LARS2: variants seen among roughly 807,000 people sequenced by gnomAD.
The protein encoded by LARS2 is leucyl-tRNA synthetase 2, mitochondrial, also known as leucine--tRNA ligase, mitochondrial.
In LARS2, 81 loss-of-function variants were observed where a neutral mutation model predicts 116.6. That is an observed-to-expected ratio of 0.69 (90% CI 0.58 to 0.84). The LOEUF is 0.84. Ranked by LOEUF, LARS2 falls within the 40% of genes least tolerant of loss-of-function variation. The probability of loss-of-function intolerance (pLI) is 0.00; values close to 1 mark genes in which losing one functional copy is unlikely to be tolerated. For missense variants in LARS2, 968 were observed against 1,114.5 expected, an observed-to-expected ratio of 0.87 and a Z score of 1.87; for synonymous variants, 396 against 407.2, an observed-to-expected ratio of 0.97 and a Z score of 0.33.
chr3:45,503,847 A>G (rs866871707), intron 15 of LARS2, among the ~76,000 whole-genome samples: 3 of 152,062 alleles, frequency 2.0e-5, no homozygotes, highest in Admixed American at 2.0e-4. Flanking sequence ...TTTTGTAACT[A>G]CACAGAAAGT....
chr3:45,514,058 G>T (rs933759100), intron 16 of LARS2, among the ~76,000 whole-genome samples: 2 of 151,898 alleles, frequency 1.3e-5, no homozygotes, highest in African/African-American at 4.8e-5. Context: ...ATACAAAAAT[G>T]AGCCAGGCGT....
intron 6 of LARS2, among the ~76,000 whole-genome samples, chr3:45,433,062 AT>A (rs892879765): frequency 1.3e-5 from 2 of 152,052 alleles, no homozygotes; most frequent in African/African-American, 4.8e-5. Flanking sequence ...AACTTACTTC[AT>A]CTTACATTAA....
At chr3:45,392,509 G>A (rs1697972617) in intron 2 of LARS2, among the ~76,000 whole-genome samples, 1 of 151,888 alleles carries the variant, frequency 6.6e-6, no homozygotes, top group Non-Finnish European at 1.5e-5. Flanking sequence ...TGGCCAGATT[G>A]GTCTCGAACT....
At chr3:45,488,937 C>A in intron 12 of LARS2, 125 bp downstream of exon 12, 1 of 708,270 alleles carries the variant, frequency 1.4e-6, no homozygotes. Flanking sequence ...CTTGTGGCCT[C>A]ATATCTATCA....
chr3:45,483,722 A>G (rs902595698), intron 10 of LARS2, among the ~76,000 whole-genome samples: 3 of 152,210 alleles, frequency 2.0e-5, no homozygotes, highest in Non-Finnish European at 4.4e-5. Context: ...GTCTGCACTC[A>G]GCCAGCTGCA....
At chr3:45,405,698 T>C (rs1698222806) in intron 4 of LARS2, among the ~76,000 whole-genome samples, 1 of 152,114 alleles carries the variant, frequency 6.6e-6, no homozygotes, top group Admixed American at 6.5e-5. Context: ...TCAGGAAAAA[T>C]TAGACCATGC....
At chr3:45,422,958 C>T (rs1043775256) in intron 6 of LARS2, among the ~76,000 whole-genome samples, 2 of 152,132 alleles carry the variant, frequency 1.3e-5, no homozygotes, top group African/African-American at 2.4e-5. Context: ...TTGCATAACT[C>T]GTATTTATTT....
At chr3:45,407,572 G>C (rs1698251808) in intron 4 of LARS2, among the ~76,000 whole-genome samples, 1 of 151,986 alleles carries the variant, frequency 6.6e-6, no homozygotes, top group Non-Finnish European at 1.5e-5. Flanking sequence ...CTGTAATAAT[G>C]GTGAGTTATT....
At chr3:45,461,820 T>C (rs971302730) in intron 8 of LARS2, among the ~76,000 whole-genome samples, 3 of 152,168 alleles carry the variant, frequency 2.0e-5, no homozygotes, top group Non-Finnish European at 4.4e-5. Context: ...GTGGCTTGAA[T>C]AGCACACAGG....
chr3:45,525,075 T>C (rs899426883), intron 20 of LARS2, among the ~76,000 whole-genome samples: 12 of 152,212 alleles, frequency 7.9e-5, no homozygotes, highest in Admixed American at 7.9e-4. Context: ...GAGGGACTCA[T>C]TGGGAATTGG....
chr3:45,484,224 G>A (rs981760746), intron 10 of LARS2, among the ~76,000 whole-genome samples: 3 of 151,938 alleles, frequency 2.0e-5, no homozygotes, highest in African/African-American at 7.3e-5. Context: ...GGTTTGCAAA[G>A]TAGATAATTA....
chr3:45,544,210 A>ATGAT (rs1700841365), intron 21 of LARS2, among the ~76,000 whole-genome samples: 1 of 152,252 alleles, frequency 6.6e-6, no homozygotes, highest in African/African-American at 2.4e-5. Context: ...CTCTGCCCAC[A>ATGAT]CCAGGGATAC....
intron 8 of LARS2, among the ~76,000 whole-genome samples, chr3:45,473,696 T>C (rs546821980): frequency 6.6e-6 from 1 of 151,690 alleles, no homozygotes; most frequent in East Asian, 1.9e-4. Flanking sequence ...TTGTTGTTTT[T>C]TTTTTTTTTT....
chr3:45,496,290 C>T lies in LARS2; in HGVS notation c.1539C>T (p.Ala513=). The T allele has an allele frequency of 6.2e-7, 1 of 1,613,534 alleles. No individual in the cohort carries two copies. The highest frequency in any genetic ancestry group is 8.5e-7 in the Non-Finnish European group (1 of 1,179,492). Residue 513 remains alanine, a synonymous_variant, in exon 14 of 22, where the codon GCC becomes GCT. Coordinates refer to ENST00000645846, the MANE Select transcript of LARS2 (RefSeq NM_015340.4). ...NCSCPRCKGA[A]KRETDTMDTF... Reference sequence around the variant, plus strand: ...TCTTTCTTAGGTGCAAGGGAGCAGCCAAGAGAGAGACAGACACGATGGATA... The same window carrying T: ...TCTTTCTTAGGTGCAAGGGAGCAGCTAAGAGAGAGACAGACACGATGGATA...
chr3:45,435,342 T>G (rs1698780818), intron 6 of LARS2, among the ~76,000 whole-genome samples: 1 of 152,166 alleles, frequency 6.6e-6, no homozygotes, highest in Non-Finnish European at 1.5e-5. Context: ...AGTCCCAGCT[T>G]TCTCCTCAGC....
intron 10 of LARS2, among the ~76,000 whole-genome samples, chr3:45,484,630 A>AT (rs1313520791): frequency 0.013 from 122 of 9,718 alleles, no homozygotes; most frequent in Non-Finnish European, 0.022. Flanking sequence ...AAAAAAAAAA[A>AT]ATATATATAT....
At chr3:45,406,608 G>A (rs1349478824) in intron 4 of LARS2, among the ~76,000 whole-genome samples, 2 of 152,330 alleles carry the variant, frequency 1.3e-5, no homozygotes, top group African/African-American at 4.8e-5. Context: ...TAGTCAAAGC[G>A]GTGATGGTGT....
intron 10 of LARS2, among the ~76,000 whole-genome samples, chr3:45,483,512 GGT>G (rs912747962): frequency 1.1e-4 from 17 of 152,074 alleles, no homozygotes; most frequent in Non-Finnish European, 7.4e-5. Flanking sequence ...AGTTGGGTGT[GGT>G]GGCATGTGCC....
intron 4 of LARS2, among the ~76,000 whole-genome samples, chr3:45,401,740 A>C (rs1487213522): frequency 6.6e-6 from 1 of 151,986 alleles, no homozygotes; most frequent in African/African-American, 2.4e-5. Flanking sequence ...TCTGTCTCCC[A>C]AGTAGCTGGG....
Sources: gnomAD v4.1 joint callset for allele counts (sites outside exome capture counted in the v4.1 genomes callset) on GRCh38, gnomAD v4.1.1 for gene constraint, MANE v1.5 for transcripts, NCBI Gene and HGNC (gene_info 2026-07-23, HGNC 2026-07-21) for gene names.